The following ADAM12 variants were observed in gnomAD, a reference collection of about 807,000 sequenced individuals.
ADAM12 encodes the protein disintegrin and metalloproteinase domain-containing protein 12.
A neutral mutation model predicts 106.4 loss-of-function variants in ADAM12; 70 were observed. The ratio of observed to expected loss-of-function variants is 0.66; its 90% confidence interval spans 0.54 to 0.80. The LOEUF (loss-of-function observed/expected upper bound fraction) is 0.80, where lower values mean the gene tolerates loss of function less well. ADAM12 is among the 30% of genes least tolerant of loss of function. The probability of loss-of-function intolerance (pLI) is 0.00; values close to 1 mark genes in which losing one functional copy is unlikely to be tolerated. For missense variants in ADAM12, 1,010 were observed against 1,171.9 expected, an observed-to-expected ratio of 0.86 and a Z score of 2.02; for synonymous variants, 420 against 433.5, an observed-to-expected ratio of 0.97 and a Z score of 0.39.
intron 3 of ADAM12, among the ~76,000 whole-genome samples, chr10:126,273,980 C>A (rs1326777271): frequency 7.2e-5 from 11 of 152,186 alleles, no homozygotes; most frequent in African/African-American, 1.7e-4. Context: ...AAAGCCTGGG[C>A]TCCTAACTCC....
chr10:126,124,386 T>C (rs1280592636), intron 5 of ADAM12, among the ~76,000 whole-genome samples: 1 of 151,842 alleles, frequency 6.6e-6, no homozygotes, highest in South Asian at 2.1e-4. Context: ...ACTTAACACA[T>C]ACGCACCACA....
intron 2 of ADAM12, among the ~76,000 whole-genome samples, chr10:126,321,904 T>TG (rs371286030): frequency 0.044 from 3,919 of 88,620 alleles, 99 homozygotes; most frequent in East Asian, 0.068. Flanking sequence ...TACCTGGGGG[T>TG]CGGGGGGGGG....
At chr10:126,083,988 C>A (rs929797296) in intron 11 of ADAM12, among the ~76,000 whole-genome samples, 8 of 152,196 alleles carry the variant, frequency 5.3e-5, no homozygotes, top group Non-Finnish European at 1.0e-4. Flanking sequence ...CTAAGAAAAC[C>A]ACCAGGCCAG....
At chr10:126,204,636 C>A (rs1347619275) in intron 3 of ADAM12, among the ~76,000 whole-genome samples, 2 of 152,166 alleles carry the variant, frequency 1.3e-5, no homozygotes, top group Non-Finnish European at 2.9e-5. Flanking sequence ...AATGTGGCAC[C>A]TTTGTTCATA....
At chr10:126,034,773 A>G (rs568783357) in intron 21 of ADAM12, among the ~76,000 whole-genome samples, 2 of 152,248 alleles carry the variant, frequency 1.3e-5, no homozygotes, top group East Asian at 3.9e-4. Flanking sequence ...GCAATCATGA[A>G]TGATGTTTCC....
intron 3 of ADAM12, among the ~76,000 whole-genome samples, chr10:126,238,486 C>G (rs540639841): frequency 7.2e-4 from 109 of 152,240 alleles, no homozygotes; most frequent in African/African-American, 2.5e-3. Context: ...CTCAAACAAA[C>G]AAACAAACAA....
At chr10:126,097,636 G>A (rs1373937670) in intron 10 of ADAM12, among the ~76,000 whole-genome samples, 1 of 152,170 alleles carries the variant, frequency 6.6e-6, no homozygotes. Context: ...TGGAAGAATG[G>A]TCTCTGAGGA....
At chr10:126,165,632 A>G (rs1383228764) in intron 3 of ADAM12, among the ~76,000 whole-genome samples, 1 of 152,186 alleles carries the variant, frequency 6.6e-6, no homozygotes, top group African/African-American at 2.4e-5. Context: ...TTTAGCTCCA[A>G]AGACCACCTG....
Position 126,071,539 on chromosome 10 carries a change from C to A in ADAM12, c.1261G>T (p.Gly421Cys). The A allele has an allele frequency of 6.2e-7, 1 of 1,614,156 alleles. No individual in the cohort carries two copies. Among genetic ancestry groups the A allele is most frequent in the Non-Finnish European group, 8.5e-7 (1 of 1,180,040 alleles). The change falls in exon 12 of 23, where the codon GGC (glycine) becomes TGC (cysteine). Residue 421 changes from glycine to cysteine, a missense_variant. This residue lies in a region of ADAM12 where 615 missense variants were observed against 708.5 expected (regional missense o/e 0.87). Coordinates refer to ENST00000448723, the MANE Select transcript of ADAM12 (RefSeq NM_001288973.2). ...NLPEVRESFGGQKCGNRFVEE... is the reference protein window; with the variant it reads ...NLPEVRESFGCQKCGNRFVEE... ...ACAAATCTGTTCCCACACTTCTGGC[C>A]CCCGAAAGACTCCCTGACTTCCGGC...
chr10:126,051,568 T>TCCAGCCAG lies in ADAM12; in HGVS notation c.1610-1900_1610-1899insCTGGCTGG, dbSNP rs1263650818. On this transcript the variant is annotated intron_variant, in intron 14 of 22. Coordinates refer to ENST00000448723, the MANE Select transcript of ADAM12 (RefSeq NM_001288973.2). ...ATCCATCCATCCATCCATCCATCCA[T>TCCAGCCAG]CCATCCATCCATCCATCCATCCAGC... Among the ~76,000 whole-genome samples the TCCAGCCAG allele has an allele frequency of 3.8e-3, 365 of 94,864 alleles. 1 individual carries two copies. Among genetic ancestry groups the TCCAGCCAG allele is most frequent in the Non-Finnish European group, 5.6e-3 (270 of 48,118 alleles). The allele number at this position is 94,864 out of a possible 152,430, so 62.2% of individuals were successfully genotyped here.
chr10:126,318,508 T>C (rs905514857), intron 2 of ADAM12, among the ~76,000 whole-genome samples: 4 of 150,680 alleles, frequency 2.7e-5, no homozygotes, highest in Non-Finnish European at 5.9e-5. Context: ...CCACACTCTC[T>C]CACACACACT....
chr10:126,185,243 G>C (rs1957380044), intron 3 of ADAM12, among the ~76,000 whole-genome samples: 1 of 152,206 alleles, frequency 6.6e-6, no homozygotes, highest in Non-Finnish European at 1.5e-5. Flanking sequence ...CTATTGCATT[G>C]CATCTTTCAA....
intron 3 of ADAM12, among the ~76,000 whole-genome samples, chr10:126,183,875 T>C (rs1957356692): frequency 6.6e-6 from 1 of 152,248 alleles, no homozygotes; most frequent in Non-Finnish European, 1.5e-5. Context: ...TCCGTGTAAC[T>C]GCAGAAGAAT....
chr10:126,356,312 C>A (rs1234159158), intron 1 of ADAM12, among the ~76,000 whole-genome samples: 1 of 152,168 alleles, frequency 6.6e-6, no homozygotes, highest in Admixed American at 6.5e-5. Context: ...AGTAGTTCTG[C>A]CTAATTACAG....
chr10:126,107,255 G>A (rs1429659680), intron 8 of ADAM12, among the ~76,000 whole-genome samples: 1 of 152,078 alleles, frequency 6.6e-6, no homozygotes. Flanking sequence ...CCCTGGCCCT[G>A]GGAAGAAGTA....
chr10:126,230,062 G>T (rs1303455047), intron 3 of ADAM12, among the ~76,000 whole-genome samples: 2 of 152,106 alleles, frequency 1.3e-5, no homozygotes, highest in African/African-American at 4.8e-5. Flanking sequence ...CATTTTGGCT[G>T]AGCTGCAACT....
intron 3 of ADAM12, among the ~76,000 whole-genome samples, chr10:126,163,914 T>C (rs931805868): frequency 1.3e-5 from 2 of 152,236 alleles, no homozygotes; most frequent in Admixed American, 6.5e-5. Context: ...CTGGATAGAA[T>C]GTGTCAGAAC....
chr10:126,023,143 G>C (rs1953801172), intron 21 of ADAM12, among the ~76,000 whole-genome samples: 1 of 152,170 alleles, frequency 6.6e-6, no homozygotes, highest in African/African-American at 2.4e-5. Context: ...ATGCAGGGCT[G>C]GGGCGGCATC....
intron 3 of ADAM12, among the ~76,000 whole-genome samples, chr10:126,212,530 G>A (rs1387973001): frequency 6.6e-6 from 1 of 151,968 alleles, no homozygotes; most frequent in Non-Finnish European, 1.5e-5. Context: ...GAGTTAAGCA[G>A]CAGCTCTTCA....
Sources: gnomAD v4.1 joint callset for allele counts (sites outside exome capture counted in the v4.1 genomes callset) on GRCh38, gnomAD v4.1.1 for gene constraint, gnomAD v4.1.1 regional missense constraint, MANE v1.5 for transcripts, NCBI Gene and HGNC (gene_info 2026-07-23, HGNC 2026-07-21) for gene names.